The following CDC5L variants were observed in gnomAD, a reference collection of about 807,000 sequenced individuals.
The protein encoded by CDC5L is cell division cycle 5 like, also known as cell division cycle 5-like protein.
CDC5L carries 18 observed loss-of-function variants against 104.1 expected under a neutral mutation model. The observed-to-expected ratio is 0.17, with a 90% CI of 0.12 to 0.26. The LOEUF is 0.26. Among genes scored for constraint, CDC5L ranks in the 10% least tolerant of loss-of-function variants. CDC5L has a pLI of 1.00. For missense variants in CDC5L, 673 were observed against 956.9 expected (o/e 0.70, Z 3.91); for synonymous variants, 331 against 322.7 (o/e 1.03, Z -0.28).
At chr6:44,395,948 G>T (rs980027648) in intron 4 of CDC5L, among the ~76,000 whole-genome samples, 5 of 152,216 alleles carry the variant, frequency 3.3e-5, no homozygotes, top group Non-Finnish European at 7.3e-5. Flanking sequence ...TTCACAATTT[G>T]TGCTGTGCCA....
chr6:44,445,657 A>G lies in CDC5L; in HGVS notation c.2094A>G (p.Ile698Met), dbSNP rs1561982381. 1.2e-6 allele frequency: 2 copies of G among 1,610,972 alleles called. No individual in the cohort carries two copies. Among genetic ancestry groups the G allele is most frequent in the Non-Finnish European group, 1.7e-6 (2 of 1,177,478 alleles). The change falls in exon 15 of 16, where the codon ATA becomes ATG. Residue 698 changes from isoleucine (I) to methionine (M), a missense_variant and splice_region_variant. By Grantham distance (10) the Ile-to-Met change is conservative. Around this residue, in one of 4 missense-constraint regions of CDC5L, gnomAD observed 578 missense variants for 737.0 expected, o/e 0.78. Coordinates refer to ENST00000371477, the MANE Select transcript of CDC5L (RefSeq NM_001253.4). ...RIESLEKRLE[I>M]NRGHMTTEAK... is the part of the protein sequence containing the mutation. ...TGTGATCTTCCCCTGCTCTCCAGAT[A>G]AACAGGGGTCACATGACGACAGAAG... is the stretch of plus-strand genomic sequence containing the variant.
chr6:44,393,990 A>G (rs1187662008), intron 4 of CDC5L, among the ~76,000 whole-genome samples: 3 of 152,174 alleles, frequency 2.0e-5, no homozygotes, highest in African/African-American at 4.8e-5. Flanking sequence ...CAGTGTTCTT[A>G]TTCTAAGTAT....
In CDC5L at chr6:44,448,836, G is replaced by C. The variant is rs1793546164; in HGVS notation, c.*2125G>C. The C allele has an allele frequency of 6.6e-6, 1 of 152,050 alleles. No individual in the cohort carries two copies. The highest frequency in any genetic ancestry group is 1.5e-5 in the Non-Finnish European group (1 of 68,006). The allele number at this position is 152,050 out of a possible 1,614,324, so 9.4% of individuals were successfully genotyped here. A position where few individuals can be genotyped will look rare whatever the true frequency, so the allele number is the denominator to read the frequency against. On this transcript the variant is annotated 3_prime_UTR_variant, in exon 16 of 16. Transcript: ENST00000371477. The stretch of plus-strand genomic sequence containing the variant: ...GTTTTAAGTTTGCTGTTGGGAGTTA[G>C]ATAGTCTTTATCTGAAAGACAGTGT...
intron 6 of CDC5L, among the ~76,000 whole-genome samples, chr6:44,405,406 G>A (rs1791319347): frequency 6.6e-6 from 1 of 152,204 alleles, no homozygotes; most frequent in Non-Finnish European, 1.5e-5. Flanking sequence ...TTTGGAAGGA[G>A]TACTAAGTGG....
chr6:44,418,534 A>G (rs1792005106), intron 8 of CDC5L, among the ~76,000 whole-genome samples: 1 of 152,174 alleles, frequency 6.6e-6, no homozygotes, highest in African/African-American at 2.4e-5. Flanking sequence ...GCTGGGTCAA[A>G]TGGTATTTCT....
At chr6:44,416,554 C>G (rs181884271) in intron 8 of CDC5L, among the ~76,000 whole-genome samples, 2 of 152,324 alleles carry the variant, frequency 1.3e-5, no homozygotes, top group East Asian at 3.9e-4. Context: ...CTCTGCTTCT[C>G]CTTCTGCCTC....
At chr6:44,422,256 T>C (rs1271261527) in intron 9 of CDC5L, among the ~76,000 whole-genome samples, 1 of 152,186 alleles carries the variant, frequency 6.6e-6, no homozygotes, top group Non-Finnish European at 1.5e-5. Flanking sequence ...AACAGCTTGA[T>C]AGGGAGGGAG....
chr6:44,396,222 A>T, intron 4 of CDC5L, 119 bp from the exon 5 acceptor site: 1 of 581,034 alleles, frequency 1.7e-6, no homozygotes, highest in Non-Finnish European at 2.9e-6. Flanking sequence ...TACACCATAA[A>T]ATCAGTATTT....
intron 9 of CDC5L, among the ~76,000 whole-genome samples, chr6:44,419,965 G>A (rs915273628): frequency 6.6e-6 from 1 of 152,006 alleles, no homozygotes; most frequent in Non-Finnish European, 1.5e-5. Flanking sequence ...GCAAAGCTTC[G>A]GATCCTATCA....
Position 44,419,549 on chromosome 6 carries a change from A to G in CDC5L, c.1193A>G (p.Gln398Arg), listed in dbSNP as rs1343064820. ...HESDFSGVTP[Q>R]RQVVQTPNTV... ...AGTGACTTCTCAGGTGTAACTCCAC[A>G]GCGACAAGTTGTACAGACTCCAAAC... The change falls in exon 9 of 16, where the codon CAG (glutamine) becomes CGG (arginine). Residue 398 changes from glutamine to arginine, a missense_variant. Physicochemically the swap from Gln to Arg is conservative, Grantham distance 43. Transcript: ENST00000371477. The G allele has an allele frequency of 3.1e-6, 5 of 1,613,534 alleles. No individual in the cohort carries two copies. Among genetic ancestry groups the G allele is most frequent in the Admixed American group, 3.3e-5 (2 of 60,008 alleles).
chr6:44,442,016 A>C (rs1186827316), intron 14 of CDC5L, among the ~76,000 whole-genome samples: 1 of 141,842 alleles, frequency 7.1e-6, no homozygotes, highest in African/African-American at 2.7e-5. Flanking sequence ...TGCTCACTGC[A>C]ACCTCTACCT....
chr6:44,418,125 C>T (rs1791986684), intron 8 of CDC5L, among the ~76,000 whole-genome samples: 2 of 152,218 alleles, frequency 1.3e-5, no homozygotes, highest in East Asian at 3.9e-4. Flanking sequence ...AGGTATATCT[C>T]CTAATGCTAT....
chr6:44,399,596 G>A (rs1305367252), intron 5 of CDC5L, among the ~76,000 whole-genome samples: 2 of 152,046 alleles, frequency 1.3e-5, no homozygotes, highest in Non-Finnish European at 2.9e-5. Flanking sequence ...TAATTCTTCT[G>A]CCAGTTAACA....
intron 11 of CDC5L, 63 bp from the exon 12 acceptor site, chr6:44,426,040 G>T: frequency 1.8e-6 from 2 of 1,128,134 alleles, no homozygotes; most frequent in South Asian, 1.5e-5. Flanking sequence ...AGTGTTTTTA[G>T]CTTTACTGAG....
chr6:44,401,900 C>T (rs1468263910), intron 5 of CDC5L, among the ~76,000 whole-genome samples: 8 of 140,534 alleles, frequency 5.7e-5, no homozygotes, highest in Non-Finnish European at 9.3e-5. Context: ...TGAGAATATG[C>T]GGTGTTTGGT....
At chr6:44,443,611 T>C (rs1350778217) in intron 14 of CDC5L, among the ~76,000 whole-genome samples, 2 of 151,282 alleles carry the variant, frequency 1.3e-5, no homozygotes, top group Non-Finnish European at 2.9e-5. Flanking sequence ...CTGCTTGATC[T>C]AGTCTGCTGT....
At chr6:44,419,406 G>C in intron 8 of CDC5L, 43 bp from the exon 9 acceptor site, 2 of 1,603,068 alleles carry the variant, frequency 1.2e-6, no homozygotes, top group Non-Finnish European at 1.7e-6. Flanking sequence ...CTGCAAGTCT[G>C]TCTAAACTTT....
At chr6:44,434,203 A>G (rs1403604312) in intron 14 of CDC5L, among the ~76,000 whole-genome samples, 1 of 152,188 alleles carries the variant, frequency 6.6e-6, no homozygotes, top group East Asian at 1.9e-4. Flanking sequence ...AATTTGTTTT[A>G]TGCAGTTTAC....
At chr6:44,388,320 G>A (rs1176823623) in intron 1 of CDC5L, among the ~76,000 whole-genome samples, 1 of 152,080 alleles carries the variant, frequency 6.6e-6, no homozygotes, top group Non-Finnish European at 1.5e-5. Flanking sequence ...TCCTTGCAGA[G>A]GGGAAGCAGT....
Sources: allele counts gnomAD v4.1 joint callset (sites outside exome capture counted in the v4.1 genomes callset), GRCh38; gene constraint gnomAD v4.1.1; regional missense constraint gnomAD v4.1.1; transcripts MANE v1.5; gene names NCBI Gene and HGNC (gene_info 2026-07-23, HGNC 2026-07-21).